LRBA: variants seen among roughly 807,000 people sequenced by gnomAD.
LRBA encodes lipopolysaccharide-responsive and beige-like anchor protein.
In LRBA, 176 loss-of-function variants were observed where a neutral mutation model predicts 330.0. The observed-to-expected ratio is 0.53, with a 90% CI of 0.47 to 0.60. The LOEUF (loss-of-function observed/expected upper bound fraction) is 0.60, where lower values mean the gene tolerates loss of function less well. LRBA is among the 20% of genes least tolerant of loss of function. The probability of loss-of-function intolerance (pLI) is 0.00; values close to 1 mark genes in which losing one functional copy is unlikely to be tolerated. For missense variants in LRBA, 3,259 were observed against 3,444.8 expected (o/e 0.95, Z 1.35); for synonymous variants, 1,230 against 1,193.0 (o/e 1.03, Z -0.64).
At position 150,634,767 on chromosome 4, in the gene LRBA, A is replaced by G. The variant is rs560576709; in HGVS notation, c.5922-35636T>C. ...TTTGCAAACATACCCCTAAAGGTGG[A>G]GGAAGCTAACTGACCAAACAAAGAG... On this transcript the variant is annotated intron_variant, in intron 37 of 56. Transcript: ENST00000651943. 1.7e-3 allele frequency among the ~76,000 whole-genome samples: 264 copies of G among 152,284 alleles called. 2 individuals carry two copies. Among genetic ancestry groups the G allele is most frequent in the African/African-American group, 6.2e-3 (257 of 41,566 alleles).
rs1778439439 is a variant in LRBA, at chr4:150,639,815, GTGTGTATATATATATATATATATATATA to G, written c.5922-40712_5922-40685del. Among the ~76,000 whole-genome samples, 6 of 4,894 alleles carry G rather than the reference GTGTGTATATATATATATATATATATATA, an allele frequency of 1.2e-3. 1 individual carries two copies. Among genetic ancestry groups the G allele is most frequent in the Admixed American group, 2.8e-3 (1 of 354 alleles). The allele number at this position is 4,894 out of a possible 152,430, so 3.2% of individuals were successfully genotyped here. A position where few individuals can be genotyped will look rare whatever the true frequency, so the allele number is the denominator to read the frequency against. On this transcript the variant is annotated intron_variant, in intron 37 of 56. Coordinates refer to ENST00000651943, the MANE Select transcript of LRBA (RefSeq NM_001364905.1). ...TGTATATATATATATATGTGTGTGT[GTGTGTATATATATATATATATATATATA>G]TATATATATATATATATATATATAT...
At chr4:150,648,369 C>T (rs1779403775) in intron 37 of LRBA, among the ~76,000 whole-genome samples, 1 of 151,352 alleles carries the variant, frequency 6.6e-6, no homozygotes, top group Non-Finnish European at 1.5e-5. Flanking sequence ...AGGTTGAGGC[C>T]GCAGAAAGTT....
At chr4:150,982,704 T>C (rs1740991174) in intron 2 of LRBA, among the ~76,000 whole-genome samples, 1 of 151,612 alleles carries the variant, frequency 6.6e-6, no homozygotes, top group South Asian at 2.1e-4. Context: ...TAAAGGAAGA[T>C]TACTAAGATG....
chr4:150,441,974 T>C (rs1344347828), intron 44 of LRBA, among the ~76,000 whole-genome samples: 3 of 152,180 alleles, frequency 2.0e-5, no homozygotes, highest in Admixed American at 6.6e-5. Context: ...AATGTGCTTA[T>C]ATACCATAAC....
chr4:150,837,503 G>A (rs1024174178), intron 28 of LRBA, among the ~76,000 whole-genome samples: 2 of 152,100 alleles, frequency 1.3e-5, no homozygotes, highest in Non-Finnish European at 2.9e-5. Flanking sequence ...TATATATTTA[G>A]GATAGTTAGC....
intron 46 of LRBA, among the ~76,000 whole-genome samples, chr4:150,425,349 C>T (rs77671364): frequency 0.022 from 3,291 of 152,274 alleles, 119 homozygotes; most frequent in African/African-American, 0.075. Flanking sequence ...TTACAATTCA[C>T]GTTTTCTTCT....
chr4:150,891,775 C>T (rs1244914411), intron 17 of LRBA, among the ~76,000 whole-genome samples: 1 of 152,090 alleles, frequency 6.6e-6, no homozygotes, highest in Non-Finnish European at 1.5e-5. Flanking sequence ...TGAAAATAAA[C>T]CCCTTAAGTA....
intron 30 of LRBA, among the ~76,000 whole-genome samples, chr4:150,821,532 T>C (rs1334078774): frequency 6.6e-6 from 1 of 152,162 alleles, no homozygotes; most frequent in East Asian, 1.9e-4. Flanking sequence ...AAGTTTCTTT[T>C]AATTTACTGG....
In LRBA at chr4:150,956,303, C is replaced by T. The variant is rs183960184; in HGVS notation, c.217-27238G>A. ...AGCAAATTCCTCAGAGGGATACAAA[C>T]TACAGAAACTGACTCAAAAAGAAAT... On this transcript the variant is annotated intron_variant, in intron 2 of 56. Coordinates refer to ENST00000651943, the MANE Select transcript of LRBA (RefSeq NM_001364905.1). Among the ~76,000 whole-genome samples the T allele has an allele frequency of 1.6e-4, 24 of 148,718 alleles. 1 individual carries two copies. The highest frequency in any genetic ancestry group is 1.5e-3 in the Admixed American group (23 of 15,190).
chr4:150,598,897 TA>T, intron 38 of LRBA, 109 bp downstream of exon 38: 1 of 1,300,994 alleles, frequency 7.7e-7, no homozygotes, highest in South Asian at 1.5e-5. Context: ...TGAACAACCA[TA>T]AAATGTGGTG....
chr4:151,008,531 G>A, intron 2 of LRBA, among the ~76,000 whole-genome samples: 1 of 151,878 alleles, frequency 6.6e-6, no homozygotes, highest in East Asian at 1.9e-4. Flanking sequence ...TAAAAAGTAA[G>A]CCCTTAGTAT....
chr4:150,794,483 G>A (rs1473682143), intron 34 of LRBA, among the ~76,000 whole-genome samples: 1 of 151,580 alleles, frequency 6.6e-6, no homozygotes, highest in Non-Finnish European at 1.5e-5. Context: ...TTTTACTGAA[G>A]ATTCAGGAAA....
intron 44 of LRBA, among the ~76,000 whole-genome samples, chr4:150,462,510 T>G (rs1223421763): frequency 6.6e-6 from 1 of 151,776 alleles, no homozygotes; most frequent in East Asian, 1.9e-4. Context: ...TTCAGACTTT[T>G]TTTTTCTTAA....
intron 36 of LRBA, among the ~76,000 whole-genome samples, chr4:150,689,428 T>G (rs1239834020): frequency 2.6e-5 from 4 of 152,056 alleles, no homozygotes; most frequent in Non-Finnish European, 5.9e-5. Context: ...CTGCACATTC[T>G]GCACATGTAT....
intron 48 of LRBA, among the ~76,000 whole-genome samples, chr4:150,330,899 G>T (rs1002481862): frequency 2.0e-5 from 3 of 152,108 alleles, no homozygotes; most frequent in African/African-American, 4.8e-5. Flanking sequence ...TGGTTGGACT[G>T]GGGACAAAAC....
chr4:150,773,755 C>T (rs1463572896), intron 34 of LRBA, among the ~76,000 whole-genome samples: 1 of 152,210 alleles, frequency 6.6e-6, no homozygotes, highest in Non-Finnish European at 1.5e-5. Context: ...CTGAGTATGT[C>T]TATTCCAACT....
At chr4:150,389,411 T>C (rs1196532787) in intron 47 of LRBA, among the ~76,000 whole-genome samples, 1 of 151,610 alleles carries the variant, frequency 6.6e-6, no homozygotes, top group Non-Finnish European at 1.5e-5. Flanking sequence ...TTAATATTGT[T>C]CAGAGTTTTG....
At chr4:150,888,481 A>ATG (rs1729168273) in intron 17 of LRBA, among the ~76,000 whole-genome samples, 1 of 152,188 alleles carries the variant, frequency 6.6e-6, no homozygotes, top group African/African-American at 2.4e-5. Flanking sequence ...GCGCTTATGT[A>ATG]TATACAGACA....
chr4:150,866,241 A>T (rs1474492736), intron 22 of LRBA, among the ~76,000 whole-genome samples: 1 of 152,234 alleles, frequency 6.6e-6, no homozygotes, highest in Non-Finnish European at 1.5e-5. Flanking sequence ...TGAAACTAAT[A>T]GATTTTAATG....
Sources: allele counts gnomAD v4.1 joint callset (sites outside exome capture counted in the v4.1 genomes callset), GRCh38; gene constraint gnomAD v4.1.1; transcripts MANE v1.5; gene names NCBI Gene and HGNC (gene_info 2026-07-23, HGNC 2026-07-21).